CTNND2: variants seen among roughly 807,000 people sequenced by gnomAD.
The protein encoded by CTNND2 is catenin delta 2, also known as catenin delta-2.
CTNND2 carries 22 observed loss-of-function variants against 144.4 expected under a neutral mutation model. The ratio of observed to expected loss-of-function variants is 0.15; its 90% confidence interval spans 0.11 to 0.22. The LOEUF (loss-of-function observed/expected upper bound fraction) is 0.22, where lower values mean the gene tolerates loss of function less well. CTNND2 is among the 10% of genes least tolerant of loss of function. CTNND2 has a pLI of 1.00. For synonymous variants in CTNND2, 751 were observed against 695.6 expected (o/e 1.08, Z -1.25); for missense variants, 1,353 against 1,618.8 (o/e 0.84, Z 2.82).
rs1413704132 is a variant in CTNND2 at position 10,980,857 on chromosome 5, A to G, written c.3417+916T>C. Among the ~76,000 whole-genome samples the G allele has an allele frequency of 2.0e-5, 3 of 152,004 alleles. No individual in the cohort carries two copies. In the South Asian group the frequency reaches 6.3e-4, roughly 32 times the overall value. On this transcript the variant is annotated intron_variant, in intron 21 of 21. Transcript: ENST00000304623. ...AGTGGGAGTTGAACAATGAGAACAC[A>G]TGGACATAGGGGAACATCACACACT...
In CTNND2 at chr5:11,445,654, C is replaced by T. The variant is rs910032495; in HGVS notation, c.288-33585G>A. 5.3e-5 allele frequency among the ~76,000 whole-genome samples: 8 copies of T among 152,194 alleles called. No homozygotes were observed. In the East Asian group the frequency reaches 5.8e-4, roughly 11 times the overall value. On this transcript the variant is annotated intron_variant, in intron 3 of 21. Coordinates refer to ENST00000304623, the MANE Select transcript of CTNND2 (RefSeq NM_001332.4). ...CATCCCAGTGAACCAGCAGAAAAAA[C>T]GTACCCTAATAAAAGCCCACTTACG...
intron 2 of CTNND2, among the ~76,000 whole-genome samples, chr5:11,602,663 A>G (rs1779855114): frequency 6.8e-6 from 1 of 146,466 alleles, no homozygotes; most frequent in South Asian, 2.1e-4. Context: ...TATATATTAT[A>G]TATAATATAT....
intron 18 of CTNND2, among the ~76,000 whole-genome samples, chr5:11,003,057 T>G (rs1740114021): frequency 6.6e-6 from 1 of 151,516 alleles, no homozygotes. Context: ...TGTAGCAAGA[T>G]TTGGCCTCTA....
At chr5:11,581,286 G>A (rs1778409126) in intron 2 of CTNND2, among the ~76,000 whole-genome samples, 1 of 151,164 alleles carries the variant, frequency 6.6e-6, no homozygotes, top group Non-Finnish European at 1.5e-5. Context: ...AGCGTTTTAT[G>A]TTCTTCTTGG....
intron 1 of CTNND2, among the ~76,000 whole-genome samples, chr5:11,825,918 A>G (rs1353934006): frequency 6.6e-6 from 1 of 152,070 alleles, no homozygotes; most frequent in African/African-American, 2.4e-5. Flanking sequence ...AACAATAAAA[A>G]TAAATTAAAA....
chr5:11,408,514 T>A (rs1000012634), intron 5 of CTNND2, among the ~76,000 whole-genome samples: 3 of 152,140 alleles, frequency 2.0e-5, no homozygotes, highest in African/African-American at 7.2e-5. Flanking sequence ...CTTTTATCAA[T>A]TGTTTCTTTT....
intron 2 of CTNND2, among the ~76,000 whole-genome samples, chr5:11,693,009 T>G (rs1220566492): frequency 1.3e-5 from 2 of 152,248 alleles, no homozygotes; most frequent in Non-Finnish European, 2.9e-5. Context: ...CTTCAAAGTT[T>G]AGTCCTAAAA....
At chr5:11,565,574 T>TG (rs33971672) in intron 2 of CTNND2, among the ~76,000 whole-genome samples, 5,152 of 152,306 alleles carry the variant, frequency 0.034, 296 homozygotes, top group African/African-American at 0.11. Context: ...ACCCACACTC[T>TG]TCATAACTTT....
chr5:11,374,865 A>T lies in CTNND2; in HGVS notation c.1177+9800T>A, dbSNP rs9312767. On this transcript the variant is annotated intron_variant, in intron 7 of 21. Transcript: ENST00000304623. ...AGCTTCAGAGAGCCCAGAAGTCTCC[A>T]TTCTGCTTTCCAGAGTGCTGACTGC... Among the ~76,000 whole-genome samples, 694 of 140,332 alleles carry T rather than the reference A, an allele frequency of 4.9e-3. 5 individuals are homozygous for T. Among genetic ancestry groups the T allele is most frequent in the African/African-American group, 0.018 (667 of 37,592 alleles). 92.1% of individuals were successfully genotyped at this position (140,332 alleles called of 152,430 possible). A position where few individuals can be genotyped will look rare whatever the true frequency, so the allele number is the denominator to read the frequency against.
At chr5:11,400,587 T>C (rs1441916295) in intron 5 of CTNND2, among the ~76,000 whole-genome samples, 1 of 150,724 alleles carries the variant, frequency 6.6e-6, no homozygotes, top group Non-Finnish European at 1.5e-5. Flanking sequence ...TTTTCTTTGT[T>C]CTGAAACAAA....
chr5:11,375,550 T>C (rs1168841632), intron 7 of CTNND2, among the ~76,000 whole-genome samples: 1 of 152,212 alleles, frequency 6.6e-6, no homozygotes, highest in Non-Finnish European at 1.5e-5. Flanking sequence ...TGTGCATGTA[T>C]ATGTTAAAGT....
chr5:11,079,624 G>C (rs1192503140), intron 16 of CTNND2, among the ~76,000 whole-genome samples: 4 of 152,094 alleles, frequency 2.6e-5, no homozygotes, highest in Non-Finnish European at 4.4e-5. Context: ...CCACTGGCCT[G>C]CTCCCAGTTC....
intron 10 of CTNND2, among the ~76,000 whole-genome samples, chr5:11,218,563 T>G (rs1331402370): frequency 6.6e-6 from 1 of 152,166 alleles, no homozygotes; most frequent in Admixed American, 6.6e-5. Flanking sequence ...TCTCAGAAAC[T>G]AGGATTGAAA....
At chr5:11,031,596 T>C (rs1028065811) in intron 16 of CTNND2, among the ~76,000 whole-genome samples, 1 of 152,162 alleles carries the variant, frequency 6.6e-6, no homozygotes, top group Admixed American at 6.5e-5. Flanking sequence ...AAGTAGTGTT[T>C]CTGGTGTGTC....
intron 21 of CTNND2, among the ~76,000 whole-genome samples, chr5:10,980,743 T>G (rs1737127483): frequency 6.6e-6 from 1 of 152,194 alleles, no homozygotes. Flanking sequence ...GTTCATGTCC[T>G]TTGCAGGGAC....
intron 2 of CTNND2, among the ~76,000 whole-genome samples, chr5:11,712,382 A>G (rs1160590626): frequency 6.6e-6 from 1 of 152,144 alleles, no homozygotes; most frequent in African/African-American, 2.4e-5. Context: ...CAACTTTCTT[A>G]GGATACAGAC....
chr5:11,428,942 T>C (rs1197779771), intron 3 of CTNND2, among the ~76,000 whole-genome samples: 5 of 152,204 alleles, frequency 3.3e-5, no homozygotes, highest in African/African-American at 7.2e-5. Flanking sequence ...TAAGAACATA[T>C]CATGGCAAAT....
intron 1 of CTNND2, among the ~76,000 whole-genome samples, chr5:11,836,486 C>T (rs561053699): frequency 2.6e-5 from 4 of 151,676 alleles, no homozygotes; most frequent in African/African-American, 7.3e-5. Flanking sequence ...AAGTCTCATT[C>T]TGCTTTCATT....
chr5:10,984,249 G>T (rs1737656350), intron 20 of CTNND2, among the ~76,000 whole-genome samples: 1 of 152,128 alleles, frequency 6.6e-6, no homozygotes, highest in Non-Finnish European at 1.5e-5. Flanking sequence ...CTCAGAACCT[G>T]GCACAGCACC....
Sources: gnomAD v4.1 joint callset for allele counts (sites outside exome capture counted in the v4.1 genomes callset) on GRCh38, gnomAD v4.1.1 for gene constraint, MANE v1.5 for transcripts, NCBI Gene and HGNC (gene_info 2026-07-23, HGNC 2026-07-21) for gene names.